The following PDE7B variants were observed in gnomAD, a reference collection of about 807,000 sequenced individuals.
PDE7B encodes the protein phosphodiesterase 7B.
A neutral mutation model predicts 56.2 loss-of-function variants in PDE7B; 29 were observed. That is an observed-to-expected ratio of 0.52 (90% CI 0.38 to 0.70). The LOEUF (loss-of-function observed/expected upper bound fraction) is 0.70. Ranked by LOEUF, PDE7B falls within the 30% of genes least tolerant of loss-of-function variation. PDE7B has a pLI of 0.00. For synonymous variants in PDE7B, 197 were observed against 196.9 expected (o/e 1.00, Z 0.00); for missense variants, 490 against 565.0 (o/e 0.87, Z 1.35).
intron 2 of PDE7B, among the ~76,000 whole-genome samples, chr6:135,974,013 G>T (rs1439543044): frequency 6.6e-6 from 1 of 152,104 alleles, no homozygotes; most frequent in African/African-American, 2.4e-5. Context: ...TTTATAAACT[G>T]AAGAATGACA....
At chr6:136,158,919 G>A (rs183194626) in intron 8 of PDE7B, among the ~76,000 whole-genome samples, 5 of 152,284 alleles carry the variant, frequency 3.3e-5, no homozygotes, top group East Asian at 1.9e-4. Flanking sequence ...TACATACAAC[G>A]TTGGTGATTA....
At chr6:136,018,497 TAGTC>T (rs1215726644) in intron 2 of PDE7B, among the ~76,000 whole-genome samples, 1 of 152,166 alleles carries the variant, frequency 6.6e-6, no homozygotes, top group Non-Finnish European at 1.5e-5. Flanking sequence ...GAACCCAACT[TAGTC>T]AGGAAAAGAA....
At chr6:135,895,280 T>C (rs1775878630) in intron 1 of PDE7B, among the ~76,000 whole-genome samples, 1 of 152,162 alleles carries the variant, frequency 6.6e-6, no homozygotes, top group African/African-American at 2.4e-5. Flanking sequence ...CGGCAAAAGT[T>C]AAGGACTTCA....
intron 3 of PDE7B, among the ~76,000 whole-genome samples, chr6:136,114,120 C>G (rs1014072657): frequency 1.3e-5 from 2 of 152,168 alleles, no homozygotes; most frequent in African/African-American, 4.8e-5. Context: ...GGCTATTTGG[C>G]TTTTCCTGAC....
At chr6:136,096,225 G>A (rs1777469383) in intron 2 of PDE7B, 1 of 152,152 alleles carries the variant, frequency 6.6e-6, no homozygotes, top group Non-Finnish European at 1.5e-5. Context: ...TATCTCCTGG[G>A]ACTTGGAGTA....
At chr6:136,002,073 A>G (rs1775679623) in intron 2 of PDE7B, among the ~76,000 whole-genome samples, 1 of 152,224 alleles carries the variant, frequency 6.6e-6, no homozygotes, top group African/African-American at 2.4e-5. Flanking sequence ...AGAATCTTCA[A>G]CCCAGAATTT....
intron 3 of PDE7B, among the ~76,000 whole-genome samples, chr6:136,121,230 A>G (rs1777929189): frequency 1.3e-5 from 2 of 152,106 alleles, no homozygotes; most frequent in Non-Finnish European, 2.9e-5. Flanking sequence ...CTTTCCTGTG[A>G]TTCTGGATCC....
intron 1 of PDE7B, among the ~76,000 whole-genome samples, chr6:135,882,987 A>C (rs9402771): frequency 0.18 from 27,353 of 152,152 alleles, 5,223 homozygotes; most frequent in African/African-American, 0.48. Flanking sequence ...TGAAACATCA[A>C]AACACAAATC....
At chr6:136,103,645 C>T (rs538532915) in intron 2 of PDE7B, among the ~76,000 whole-genome samples, 5 of 152,284 alleles carry the variant, frequency 3.3e-5, no homozygotes, top group South Asian at 2.1e-4. Context: ...GGCTGCTTTG[C>T]GGCTTCACCT....
At chr6:136,063,763 G>A (rs1215976221) in intron 2 of PDE7B, among the ~76,000 whole-genome samples, 2 of 152,078 alleles carry the variant, frequency 1.3e-5, no homozygotes, top group Non-Finnish European at 2.9e-5. Flanking sequence ...GCCTCTGAAC[G>A]TTTACTCAAA....
intron 6 of PDE7B, among the ~76,000 whole-genome samples, chr6:136,153,080 CA>C (rs1388840764): frequency 6.6e-6 from 1 of 152,232 alleles, no homozygotes; most frequent in African/African-American, 2.4e-5. Context: ...CCAGCCACAA[CA>C]TGGCTAATTT....
chr6:135,858,805 A>G (rs1331613497), intron 1 of PDE7B, among the ~76,000 whole-genome samples: 1 of 152,212 alleles, frequency 6.6e-6, no homozygotes, highest in Non-Finnish European at 1.5e-5. Flanking sequence ...CATCTTGACT[A>G]AATTTTGTTT....
chr6:136,135,661 G>A (rs758849237), intron 3 of PDE7B, among the ~76,000 whole-genome samples: 4 of 151,882 alleles, frequency 2.6e-5, no homozygotes, highest in Admixed American at 6.6e-5. Flanking sequence ...CTGAAAGACT[G>A]GGGGAGTCAT....
chr6:136,142,646 G>A (rs1778347740), intron 3 of PDE7B, among the ~76,000 whole-genome samples: 1 of 152,160 alleles, frequency 6.6e-6, no homozygotes, highest in Non-Finnish European at 1.5e-5. Context: ...TGTATTGGGT[G>A]CATATATATT....
chr6:135,926,091 G>A (rs1264545499), intron 1 of PDE7B, among the ~76,000 whole-genome samples: 2 of 98,876 alleles, frequency 2.0e-5, no homozygotes, highest in South Asian at 1.1e-3. Context: ...TTTTTGGGGG[G>A]GGGGGGGGGA....
chr6:136,153,209 T>C (rs762930521), intron 6 of PDE7B, among the ~76,000 whole-genome samples: 4 of 152,192 alleles, frequency 2.6e-5, no homozygotes, highest in Non-Finnish European at 4.4e-5. Flanking sequence ...ATATAGATAC[T>C]TTGGACACGT....
At chr6:135,892,973 C>T (rs571254670) in intron 1 of PDE7B, among the ~76,000 whole-genome samples, 2 of 152,168 alleles carry the variant, frequency 1.3e-5, no homozygotes, top group Middle Eastern at 3.4e-3. Flanking sequence ...TTTTTGAATC[C>T]ACATGGCATT....
At chr6:135,883,838 G>T (rs1181602618) in intron 1 of PDE7B, among the ~76,000 whole-genome samples, 1 of 152,160 alleles carries the variant, frequency 6.6e-6, no homozygotes, top group Non-Finnish European at 1.5e-5. Context: ...TCACTCTGAT[G>T]TACTCAGATC....
intron 1 of PDE7B, among the ~76,000 whole-genome samples, chr6:135,906,877 G>A (rs1359085423): frequency 4.4e-5 from 6 of 137,052 alleles, no homozygotes; most frequent in Non-Finnish European, 9.2e-5. Context: ...GTGGAAAGGT[G>A]GTTAATGAGA....
Sources: gnomAD v4.1 joint callset for allele counts (sites outside exome capture counted in the v4.1 genomes callset) on GRCh38, gnomAD v4.1.1 for gene constraint, MANE v1.5 for transcripts, NCBI Gene and HGNC (gene_info 2026-07-23, HGNC 2026-07-21) for gene names.